The following ALDH2 variants were observed in gnomAD, a reference collection of about 807,000 sequenced individuals.
ALDH2 encodes the protein aldehyde dehydrogenase, mitochondrial.
ALDH2 carries 44 observed loss-of-function variants against 59.6 expected under a neutral mutation model. That is an observed-to-expected ratio of 0.74 (90% CI 0.58 to 0.95). The LOEUF (loss-of-function observed/expected upper bound fraction) is 0.95. Ranked by LOEUF, ALDH2 falls within the 40% of genes least tolerant of loss-of-function variation. The probability of loss-of-function intolerance (pLI) is 0.00; values close to 1 mark genes in which losing one functional copy is unlikely to be tolerated. For missense variants in ALDH2, 570 were observed against 696.3 expected (o/e 0.82, Z 2.04); for synonymous variants, 291 against 284.0 (o/e 1.02, Z -0.25).
chr12:111,784,260 G>A (rs1353100332), intron 3 of ALDH2, among the ~76,000 whole-genome samples: 1 of 152,196 alleles, frequency 6.6e-6, no homozygotes, highest in Non-Finnish European at 1.5e-5. Flanking sequence ...GCTGCAGTGA[G>A]CTGTTGTGGT....
intron 4 of ALDH2, among the ~76,000 whole-genome samples, chr12:111,788,976 G>T (rs1478032109): frequency 1.3e-5 from 2 of 151,592 alleles, no homozygotes; most frequent in Non-Finnish European, 2.9e-5. Context: ...CTGTACTCCA[G>T]CCTGGGCAAC....
chr12:111,781,034 A>T (rs150595730), intron 1 of ALDH2, among the ~76,000 whole-genome samples: 1 of 152,204 alleles, frequency 6.6e-6, no homozygotes, highest in East Asian at 1.9e-4. Flanking sequence ...ACTTGAGCTT[A>T]AGAGGAAGAG....
intron 1 of ALDH2, among the ~76,000 whole-genome samples, chr12:111,770,640 TTTTTA>T (rs1309711159): frequency 2.0e-5 from 3 of 151,916 alleles, no homozygotes; most frequent in African/African-American, 7.3e-5. Context: ...ATTTTTGTAT[TTTTTA>T]TTTTATTTTA....
chr12:111,771,261 G>A (rs563619486), intron 1 of ALDH2, among the ~76,000 whole-genome samples: 10 of 152,204 alleles, frequency 6.6e-5, no homozygotes, highest in Admixed American at 2.0e-4. Flanking sequence ...GCTGGACATG[G>A]TGGTGAGCAC....
At chr12:111,798,706 A>T (rs1330829151) in intron 10 of ALDH2, among the ~76,000 whole-genome samples, 1 of 151,690 alleles carries the variant, frequency 6.6e-6, no homozygotes, top group African/African-American at 2.4e-5. Flanking sequence ...GGCTAATTTT[A>T]AAAAAATTTT....
At chr12:111,784,937 T>C (rs2068298845) in intron 3 of ALDH2, among the ~76,000 whole-genome samples, 1 of 152,218 alleles carries the variant, frequency 6.6e-6, no homozygotes, top group South Asian at 2.1e-4. Flanking sequence ...TGTGTCATTA[T>C]GCACAGTCTC....
chr12:111,772,893 C>G (rs990257296), intron 1 of ALDH2, among the ~76,000 whole-genome samples: 1 of 150,816 alleles, frequency 6.6e-6, no homozygotes, highest in Non-Finnish European at 1.5e-5. Context: ...CATGGCAGCT[C>G]ATGCCCTGGC....
At chr12:111,784,556 T>C (rs765844873) in intron 3 of ALDH2, among the ~76,000 whole-genome samples, 15 of 152,252 alleles carry the variant, frequency 9.9e-5, no homozygotes, top group Non-Finnish European at 2.1e-4. Context: ...CTCTGGCTGA[T>C]GTTTCTAGAC....
Position 111,813,842 on chromosome 12 carries a change from C to G in ALDH2, c.*4267C>G, listed in dbSNP as rs1372320705. On this transcript the variant is annotated 3_prime_UTR_variant, in exon 13 of 13. Coordinates refer to ENST00000261733, the MANE Select transcript of ALDH2 (RefSeq NM_000690.4). The stretch of plus-strand genomic sequence containing the variant: ...GGAGTGACTTCTAATGGTGGGGTGC[C>G]CTTTTGGGGTGATGAAAATGTTTTG... 6.6e-6 allele frequency: 1 copy of G among 152,062 alleles called. No homozygotes were observed. Among genetic ancestry groups the G allele is most frequent in the African/African-American group, 2.4e-5 (1 of 41,394 alleles). 9.4% of individuals were successfully genotyped at this position (152,062 alleles called of 1,614,324 possible).
intron 4 of ALDH2, among the ~76,000 whole-genome samples, chr12:111,788,030 C>T (rs1296617805): frequency 6.7e-6 from 1 of 148,366 alleles, no homozygotes; most frequent in Non-Finnish European, 1.5e-5. Context: ...CAGAGCGAGA[C>T]TCTGTCTCAG....
At chr12:111,771,725 G>A (rs988510527) in intron 1 of ALDH2, among the ~76,000 whole-genome samples, 2 of 152,214 alleles carry the variant, frequency 1.3e-5, no homozygotes, top group Non-Finnish European at 2.9e-5. Flanking sequence ...CTTGGTGTGA[G>A]GGTGGTTACT....
chr12:111,774,081 A>C (rs1158471879), intron 1 of ALDH2, among the ~76,000 whole-genome samples: 1 of 152,236 alleles, frequency 6.6e-6, no homozygotes, highest in Non-Finnish European at 1.5e-5. Context: ...TAAGCAGAAC[A>C]AGTTGAAACC....
intron 8 of ALDH2, 43 bp downstream of exon 8, chr12:111,792,206 T>G: frequency 7.0e-7 from 1 of 1,427,102 alleles, no homozygotes; most frequent in Non-Finnish European, 9.7e-7. Context: ...AAGGTAGCCC[T>G]GGCCACCTGT....
chr12:111,805,221 A>G (rs145070720), intron 12 of ALDH2, among the ~76,000 whole-genome samples: 1 of 152,290 alleles, frequency 6.6e-6, no homozygotes, highest in African/African-American at 2.4e-5. Flanking sequence ...TATAAATATA[A>G]AAAAAGAAAG....
At chr12:111,799,834 T>C (rs1372801640) in intron 10 of ALDH2, 72 bp from the exon 11 acceptor site, 4 of 1,534,724 alleles carry the variant, frequency 2.6e-6, no homozygotes, top group Non-Finnish European at 3.5e-6. Flanking sequence ...AATCATCTGT[T>C]CTGCTCTGAG....
Position 111,783,263 on chromosome 12 carries a change from G to T in ALDH2, c.325G>T (p.Ala109Ser), listed in dbSNP as rs766318505. ...CAGGGGCCGGCTGCTGAACCGCCTG[G>T]CCGATCTGATCGAGCGGGACCGGAC... ...SHRGRLLNRLADLIERDRTYL... is the reference protein window; with the variant it reads ...SHRGRLLNRLSDLIERDRTYL... The change falls in exon 3 of 13, where the codon GCC becomes TCC. Residue 109 changes from alanine to serine, a missense_variant. Physicochemically the swap from Ala to Ser is moderately conservative, Grantham distance 99. Coordinates refer to ENST00000261733, the MANE Select transcript of ALDH2 (RefSeq NM_000690.4). 2 of 1,612,654 alleles carry T rather than the reference G, an allele frequency of 1.2e-6. No homozygotes were observed. The highest frequency in any genetic ancestry group is 1.7e-6 in the Non-Finnish European group (2 of 1,179,276).
intron 4 of ALDH2, among the ~76,000 whole-genome samples, chr12:111,787,046 T>C (rs918154152): frequency 6.6e-6 from 1 of 151,350 alleles, no homozygotes; most frequent in African/African-American, 2.4e-5. Context: ...CTCTACTAAA[T>C]ATACAAAAAT....
chr12:111,791,260 AGAATAGGAG>A (rs1294095815), intron 6 of ALDH2, 37 bp from the exon 7 acceptor site: 1 of 1,450,728 alleles, frequency 6.9e-7, no homozygotes, highest in South Asian at 1.2e-5. Flanking sequence ...TGAGCCCTTC[AGAATAGGAG>A]GGTGACTCCC....
Position 111,815,483 on chromosome 12 carries a change from A to T in ALDH2, c.*5908A>T, listed in dbSNP as rs2068563832. ...GCACATAGAAGGGGTTACAATATAC[A>T]TATATTAGAGTGAGAGCATAGATGT... is the stretch of plus-strand genomic sequence containing the variant. On this transcript the variant is annotated 3_prime_UTR_variant, in exon 13 of 13. Coordinates refer to ENST00000261733, the MANE Select transcript of ALDH2 (RefSeq NM_000690.4). The T allele has an allele frequency of 2.0e-5, 3 of 152,002 alleles. No individual in the cohort carries two copies. Among genetic ancestry groups the T allele is most frequent in the Non-Finnish European group, 4.4e-5 (3 of 68,014 alleles). 9.4% of individuals were successfully genotyped at this position (152,002 alleles called of 1,614,324 possible). A position where few individuals can be genotyped will look rare whatever the true frequency, so the allele number is the denominator to read the frequency against.
Sources: gnomAD v4.1 joint callset for allele counts (sites outside exome capture counted in the v4.1 genomes callset) on GRCh38, gnomAD v4.1.1 for gene constraint, MANE v1.5 for transcripts, NCBI Gene and HGNC (gene_info 2026-07-23, HGNC 2026-07-21) for gene names.